The following RB1 variants were observed in gnomAD, a reference collection of about 807,000 sequenced individuals.
RB1 encodes retinoblastoma-associated protein.
In RB1, 18 loss-of-function variants were observed where a neutral mutation model predicts 135.4. That is an observed-to-expected ratio of 0.13 (90% CI 0.09 to 0.20). The LOEUF (loss-of-function observed/expected upper bound fraction) is 0.20, where lower values mean the gene tolerates loss of function less well. Among genes scored for constraint, RB1 ranks in the 10% least tolerant of loss-of-function variants. RB1 has a pLI of 1.00. For missense variants in RB1, 868 were observed against 1,110.0 expected (o/e 0.78, Z 3.10); for synonymous variants, 365 against 373.2 (o/e 0.98, Z 0.25).
chr13:48,303,951 C>T lies in RB1; in HGVS notation c.39C>T (p.Ala13=), dbSNP rs1952052419. The T allele has an allele frequency of 1.3e-6, 2 of 1,503,356 alleles. No individual in the cohort carries two copies. The highest frequency in any genetic ancestry group is 1.8e-6 in the Non-Finnish European group (2 of 1,136,230). The allele number at this position is 1,503,356 out of a possible 1,614,324, so 93.1% of individuals were successfully genotyped here. The part of the protein sequence containing the change: ...PKTPRKTAAT[A]AAAAAEPPAP... ...CCCCCCGAAAAACGGCCGCCACCGCCGCCGCTGCCGCCGCGGAACCCCCGG... is the reference window on the plus strand; with the variant it reads ...CCCCCCGAAAAACGGCCGCCACCGCTGCCGCTGCCGCCGCGGAACCCCCGG... The change falls in exon 1 of 27, where the codon GCC becomes GCT. Residue 13 remains alanine, a synonymous_variant. Coordinates refer to ENST00000267163, the MANE Select transcript of RB1 (RefSeq NM_000321.3).
At chr13:48,305,108 C>CT (rs1172467312) in intron 1 of RB1, among the ~76,000 whole-genome samples, 1 of 152,046 alleles carries the variant, frequency 6.6e-6, no homozygotes, top group Non-Finnish European at 1.5e-5. Context: ...AGCACTGGTT[C>CT]TACTTTGAGA....
chr13:48,340,029 A>G (rs977273206), intron 2 of RB1, among the ~76,000 whole-genome samples: 5 of 152,218 alleles, frequency 3.3e-5, no homozygotes, highest in Admixed American at 2.6e-4. Flanking sequence ...TTCATTTTCT[A>G]CAGAGGTGCG....
intron 17 of RB1, among the ~76,000 whole-genome samples, chr13:48,439,243 AT>A (rs1392049227): frequency 2.0e-5 from 3 of 152,202 alleles, no homozygotes; most frequent in Non-Finnish European, 4.4e-5. Context: ...TTATGGACGT[AT>A]TTTGAAGATT....
At chr13:48,346,099 CTT>C (rs35882805) in intron 4 of RB1, among the ~76,000 whole-genome samples, 1 of 117,112 alleles carries the variant, frequency 8.5e-6, no homozygotes, top group Non-Finnish European at 1.7e-5. Flanking sequence ...CATTGGCCAT[CTT>C]TTTTTTTTTT....
chr13:48,410,489 A>G (rs1462567994), intron 17 of RB1, among the ~76,000 whole-genome samples: 1 of 152,198 alleles, frequency 6.6e-6, no homozygotes, highest in East Asian at 1.9e-4. Flanking sequence ...ACGTGACAGT[A>G]TATTACTTTC....
rs1049609403 is a variant in RB1 at position 48,314,346 on chromosome 13, C to T, written c.264+6940C>T. Among the ~76,000 whole-genome samples, 7 of 152,070 alleles carry T rather than the reference C, an allele frequency of 4.6e-5. No homozygotes were observed. In the East Asian group the frequency reaches 9.6e-4, roughly 21 times the overall value. On this transcript the variant is annotated intron_variant, in intron 2 of 26. Coordinates refer to ENST00000267163, the MANE Select transcript of RB1 (RefSeq NM_000321.3). ...GATGCATGCATATGGAATGTCTTTTCGTTTAAGTCTTTCTTTCACCAGTGT... is the reference window on the plus strand; with the variant it reads ...GATGCATGCATATGGAATGTCTTTTTGTTTAAGTCTTTCTTTCACCAGTGT...
intron 5 of RB1, 61 bp downstream of exon 5, chr13:48,347,924 C>G (rs1952512840): frequency 7.8e-7 from 1 of 1,281,960 alleles, no homozygotes; most frequent in Admixed American, 1.8e-5. Context: ...GGAATAATCT[C>G]AAACATCTTG....
chr13:48,445,969 A>AT (rs1440773556), intron 17 of RB1, among the ~76,000 whole-genome samples: 1 of 151,994 alleles, frequency 6.6e-6, no homozygotes, highest in Non-Finnish European at 1.5e-5. Context: ...TTTATTTGTT[A>AT]TTTTTTGGGA....
intron 17 of RB1, among the ~76,000 whole-genome samples, chr13:48,433,223 T>C (rs1346735346): frequency 6.6e-6 from 1 of 152,178 alleles, no homozygotes; most frequent in Non-Finnish European, 1.5e-5. Flanking sequence ...TTAATTTTTT[T>C]TTCAAAAAGA....
Position 48,319,669 on chromosome 13 carries a change from C to T in RB1, c.264+12263C>T. 1 of 253,112 alleles carries T rather than the reference C, an allele frequency of 4.0e-6. No individual in the cohort carries two copies. The highest frequency in any genetic ancestry group is 8.2e-6 in the Non-Finnish European group (1 of 122,104). The allele number at this position is 253,112 out of a possible 1,614,324, so 15.7% of individuals were successfully genotyped here. On this transcript the variant is annotated intron_variant, in intron 2 of 26. Transcript: ENST00000267163. This position sits in a 1 kb window ranked among gnomAD's most constrained non-coding sequence, Gnocchi z 5.0. ...CCCTTCAGACCCTGCCGATGCGCCA[C>T]CTTTGCGGCTAGCTCTTCGTGGGAT...
intron 2 of RB1, chr13:48,318,972 G>T: frequency 1.2e-6 from 1 of 813,266 alleles, no homozygotes; most frequent in South Asian, 1.3e-5. Context: ...CTTGCAGAAA[G>T]GGACCTGTTG....
In RB1 at chr13:48,464,958, C is replaced by CTTTTTTTTTTTTTT. The variant is rs553094345; in HGVS notation, c.2212-29_2212-16dup. 5.1e-4 allele frequency: 427 copies of CTTTTTTTTTTTTTT among 832,600 alleles called. 6 individuals carry two copies. Among genetic ancestry groups the CTTTTTTTTTTTTTT allele is most frequent in the South Asian group, 1.5e-3 (73 of 50,026 alleles). The allele number at this position is 832,600 out of a possible 1,614,324, so 51.6% of individuals were successfully genotyped here. A position where few individuals can be genotyped will look rare whatever the true frequency, so the allele number is the denominator to read the frequency against. On this transcript the variant is annotated intron_variant, in intron 21 of 26. Coordinates refer to ENST00000267163, the MANE Select transcript of RB1 (RefSeq NM_000321.3). ...AAATTCATTTAACAAGTAAATTTTA[C>CTTTTTTTTTTTTTT]TTTTTTTTTTTTTTTTTTTTTTTTA...
At chr13:48,401,966 T>C (rs924741738) in intron 17 of RB1, among the ~76,000 whole-genome samples, 2 of 152,158 alleles carry the variant, frequency 1.3e-5, no homozygotes, top group East Asian at 3.8e-4. Context: ...TTTCTTATTT[T>C]AAGATAATTT....
intron 17 of RB1, among the ~76,000 whole-genome samples, chr13:48,447,654 T>C (rs1949297937): frequency 6.6e-6 from 1 of 151,950 alleles, no homozygotes. Context: ...GTTGAGAAGC[T>C]TATTGAGGGT....
chr13:48,307,380 A>C lies in RB1; in HGVS notation c.238A>C (p.Lys80Gln), dbSNP rs751870680. 1 of 1,613,572 alleles carries C rather than the reference A, an allele frequency of 6.2e-7. No individual in the cohort carries two copies. Among genetic ancestry groups the C allele is most frequent in the South Asian group, 1.1e-5 (1 of 91,074 alleles). ...VRERAWLTWEKVSSVDGVLGG... is the reference protein window; with the variant it reads ...VRERAWLTWEQVSSVDGVLGG... ...AGAGAGAGCTTGGTTAACTTGGGAG[A>C]AAGTTTCATCTGTGGATGGAGTATT... is the stretch of plus-strand genomic sequence containing the variant. Residue 80 changes from lysine (K) to glutamine (Q), a missense_variant, in exon 2 of 27, where the codon AAA becomes CAA. This residue lies in a region of RB1 where 641 missense variants were observed against 791.3 expected (regional missense o/e 0.81). Transcript: ENST00000267163.
intron 2 of RB1, among the ~76,000 whole-genome samples, chr13:48,327,456 T>C (rs1481442614): frequency 6.6e-6 from 1 of 152,198 alleles, no homozygotes; most frequent in African/African-American, 2.4e-5. Context: ...AAGTGGGCTA[T>C]TTCAAATATT....
intron 2 of RB1, 80 bp from the exon 3 acceptor site, chr13:48,342,519 C>A (rs966056882): frequency 6.9e-6 from 6 of 875,908 alleles, no homozygotes; most frequent in African/African-American, 5.0e-5. Flanking sequence ...AAGAAAAAAT[C>A]AGTTATAATA....
At chr13:48,411,049 G>A (rs1414915848) in intron 17 of RB1, 1 of 155,766 alleles carries the variant, frequency 6.4e-6, no homozygotes, top group Non-Finnish European at 1.4e-5. Context: ...AAATAATTTA[G>A]TAAATTAAAT....
intron 2 of RB1, among the ~76,000 whole-genome samples, chr13:48,321,510 T>C: frequency 6.6e-6 from 1 of 151,788 alleles, no homozygotes; most frequent in Non-Finnish European, 1.5e-5. Flanking sequence ...TTGTGATTGG[T>C]GATGTTGAGT....
Sources: gnomAD v4.1 joint callset for allele counts (sites outside exome capture counted in the v4.1 genomes callset) on GRCh38, gnomAD v4.1.1 for gene constraint, gnomAD v4.1.1 regional missense constraint, Gnocchi (gnomAD v3.1) non-coding constraint, MANE v1.5 for transcripts, NCBI Gene and HGNC (gene_info 2026-07-23, HGNC 2026-07-21) for gene names.